Variants in PCDHA6 observed in about 807,000 individuals in gnomAD.
PCDHA6 encodes the protein protocadherin alpha-6.
In PCDHA6, 55 loss-of-function variants were observed where a neutral mutation model predicts 60.3. The ratio of observed to expected loss-of-function variants is 0.91; its 90% CI spans 0.73 to 1.14. The LOEUF (loss-of-function observed/expected upper bound fraction) is 1.14, where lower values mean the gene tolerates loss of function less well. Ranked by LOEUF, PCDHA6 falls within the 50% of genes most tolerant of loss-of-function variation. PCDHA6 has a pLI of 0.00. For missense variants in PCDHA6, 1,327 were observed against 1,256.5 expected (o/e 1.06, Z -0.85); for synonymous variants, 652 against 557.9 (o/e 1.17, Z -2.38).
chr5:140,954,750 T>C (rs1045434392), intron 1 of PCDHA6, among the ~76,000 whole-genome samples: 7 of 152,228 alleles, frequency 4.6e-5, no homozygotes, highest in Non-Finnish European at 2.9e-5. Flanking sequence ...TAGTTTCTTT[T>C]GCTGTGCAGA....
chr5:140,882,928 C>G (rs1554176132), intron 1 of PCDHA6: 1 of 1,614,140 alleles, frequency 6.2e-7, no homozygotes, highest in South Asian at 1.1e-5. Flanking sequence ...GAGGTAAACC[C>G]GAGCTGACTG....
chr5:140,839,240 T>C (rs2150295728), intron 1 of PCDHA6, among the ~76,000 whole-genome samples: 1 of 152,152 alleles, frequency 6.6e-6, no homozygotes, highest in African/African-American at 2.4e-5. Context: ...TTTTATTGCT[T>C]TGCTTTTATG....
chr5:140,873,086 C>T (rs984385666), intron 1 of PCDHA6, among the ~76,000 whole-genome samples: 6 of 152,122 alleles, frequency 3.9e-5, no homozygotes, highest in African/African-American at 9.7e-5. Context: ...ATTTCCCCCC[C>T]GTATAGAGGC....
intron 1 of PCDHA6, chr5:140,877,813 G>A (rs781966059): frequency 6.2e-7 from 1 of 1,610,266 alleles, no homozygotes; most frequent in Admixed American, 1.7e-5. Context: ...GCTGTCTCGA[G>A]AAGATTGTTT....
chr5:140,945,041 C>T (rs2093729370), intron 1 of PCDHA6, among the ~76,000 whole-genome samples: 1 of 151,978 alleles, frequency 6.6e-6, no homozygotes, highest in African/African-American at 2.4e-5. Flanking sequence ...TATCTTTGGT[C>T]TTATATAAAG....
Position 140,827,991 on chromosome 5 carries a change from T to C in PCDHA6, c.-101T>C, listed in dbSNP as rs1173902795. 6.1e-6 allele frequency: 9 copies of C among 1,468,882 alleles called. No individual in the cohort carries two copies. The African/African-American group carries it at 8.5e-5, about 14-fold the overall frequency. The allele number at this position is 1,468,882 out of a possible 1,614,324, so 91.0% of individuals were successfully genotyped here. On this transcript the variant is annotated 5_prime_UTR_variant, in exon 1 of 4. An upstream start codon of the reference 5' UTR is lost. Transcript: ENST00000529310. ...GCATCATTCCCTGACTGTTGAATGA[T>C]GGCGGACGCAGAAGAAATGGATTAA...
At chr5:140,948,305 T>C (rs1554218512) in intron 1 of PCDHA6, among the ~76,000 whole-genome samples, 1 of 151,622 alleles carries the variant, frequency 6.6e-6, no homozygotes, top group African/African-American at 2.4e-5. Context: ...ATATCTTTTC[T>C]TCTTGAGGGG....
intron 1 of PCDHA6, among the ~76,000 whole-genome samples, chr5:140,901,810 T>C (rs2068911855): frequency 6.6e-6 from 1 of 152,336 alleles, no homozygotes; most frequent in African/African-American, 2.4e-5. Flanking sequence ...ATTTTTACAA[T>C]ATTGATTCTT....
chr5:140,842,636 G>A, intron 1 of PCDHA6: 2 of 1,591,718 alleles, frequency 1.3e-6, no homozygotes, highest in South Asian at 1.1e-5. Flanking sequence ...GTGGGCCACC[G>A]CCAGCTTGTC....
intron 3 of PCDHA6, among the ~76,000 whole-genome samples, chr5:140,990,685 C>T (rs1451672615): frequency 2.6e-5 from 4 of 152,252 alleles, no homozygotes; most frequent in South Asian, 4.1e-4. Context: ...AAGCTGCTTT[C>T]GGAGAGTCCA....
At chr5:140,847,099 C>T (rs1780855366) in intron 1 of PCDHA6, among the ~76,000 whole-genome samples, 1 of 149,656 alleles carries the variant, frequency 6.7e-6, no homozygotes. Context: ...TTGGTTAAAA[C>T]ACACAGTCTG....
intron 1 of PCDHA6, among the ~76,000 whole-genome samples, chr5:140,936,910 G>A (rs1221304306): frequency 6.6e-6 from 1 of 152,062 alleles, no homozygotes; most frequent in African/African-American, 2.4e-5. Context: ...TATTGAATCT[G>A]TAGAAAATAT....
intron 1 of PCDHA6, among the ~76,000 whole-genome samples, chr5:140,897,304 G>C (rs1297881439): frequency 1.7e-4 from 25 of 150,768 alleles, no homozygotes; most frequent in African/African-American, 6.1e-4. Flanking sequence ...TTTAGCATTA[G>C]GTATATCTCC....
chr5:140,941,341 G>A (rs1413393487), intron 1 of PCDHA6, among the ~76,000 whole-genome samples: 1 of 119,412 alleles, frequency 8.4e-6, no homozygotes, highest in African/African-American at 3.2e-5. Flanking sequence ...TTTTCAGATG[G>A]AGTCTTGCTC....
At chr5:140,984,975 T>A (rs571343368) in intron 3 of PCDHA6, among the ~76,000 whole-genome samples, 1 of 152,128 alleles carries the variant, frequency 6.6e-6, no homozygotes, top group Admixed American at 6.5e-5. Flanking sequence ...TCTCGCTCTG[T>A]CCCCCAGGCT....
chr5:140,925,027 C>A (rs1238112043), intron 1 of PCDHA6, among the ~76,000 whole-genome samples: 1 of 151,680 alleles, frequency 6.6e-6, no homozygotes, highest in Non-Finnish European at 1.5e-5. Flanking sequence ...GGGAGGATCG[C>A]TTGAGCCCAG....
At chr5:141,007,527 C>T (rs1184006315) in intron 3 of PCDHA6, among the ~76,000 whole-genome samples, 1 of 152,070 alleles carries the variant, frequency 6.6e-6, no homozygotes, top group Non-Finnish European at 1.5e-5. Flanking sequence ...GATATCTCGC[C>T]ACTGCACTCC....
intron 1 of PCDHA6, among the ~76,000 whole-genome samples, chr5:140,953,252 T>C (rs557973424): frequency 3.3e-5 from 5 of 152,318 alleles, no homozygotes; most frequent in Admixed American, 1.3e-4. Context: ...TTCAGTTTAG[T>C]TCTTTTAGCT....
At chr5:140,941,743 C>G (rs2093156279) in intron 1 of PCDHA6, among the ~76,000 whole-genome samples, 1 of 152,172 alleles carries the variant, frequency 6.6e-6, no homozygotes, top group Admixed American at 6.5e-5. Context: ...ATTATCTTAT[C>G]AGATTTTCAG....
Sources: gnomAD v4.1 joint callset for allele counts (sites outside exome capture counted in the v4.1 genomes callset) on GRCh38, gnomAD v4.1.1 for gene constraint, MANE v1.5 for transcripts, NCBI Gene and HGNC (gene_info 2026-07-23, HGNC 2026-07-21) for gene names.